GRM8: variants seen among roughly 807,000 people sequenced by gnomAD.
GRM8 encodes the protein metabotropic glutamate receptor 8.
GRM8 carries 47 observed loss-of-function variants against 87.2 expected under a neutral mutation model. The ratio of observed to expected loss-of-function variants is 0.54; its 90% CI spans 0.43 to 0.69. The LOEUF (loss-of-function observed/expected upper bound fraction) is 0.69, where lower values mean the gene tolerates loss of function less well. Ranked by LOEUF, GRM8 falls within the 30% of genes least tolerant of loss-of-function variation. The pLI, the probability that GRM8 is intolerant of heterozygous loss-of-function variation, is 0.00. For missense variants in GRM8, 1,019 were observed against 1,139.2 expected, an observed-to-expected ratio of 0.89 and a Z score of 1.52; for synonymous variants, 396 against 404.5, an observed-to-expected ratio of 0.98 and a Z score of 0.25.
chr7:127,133,274 C>T (rs1045780545), intron 2 of GRM8, among the ~76,000 whole-genome samples: 56 of 151,864 alleles, frequency 3.7e-4, no homozygotes, highest in African/African-American at 1.2e-3. Flanking sequence ...AAAAATTAGC[C>T]GGGCATGGTG....
intron 7 of GRM8, among the ~76,000 whole-genome samples, chr7:126,734,703 G>A (rs763905190): frequency 1.3e-5 from 2 of 151,792 alleles, no homozygotes; most frequent in African/African-American, 2.4e-5. Flanking sequence ...AAGAAAATAC[G>A]TATTTTTAAA....
chr7:126,711,338 T>A (rs1811077680), intron 7 of GRM8, among the ~76,000 whole-genome samples: 1 of 152,204 alleles, frequency 6.6e-6, no homozygotes, highest in Non-Finnish European at 1.5e-5. Flanking sequence ...CAGGTATATT[T>A]TCAATGAGCA....
intron 9 of GRM8, among the ~76,000 whole-genome samples, chr7:126,505,037 C>T (rs1211321195): frequency 6.6e-6 from 1 of 151,994 alleles, no homozygotes; most frequent in Non-Finnish European, 1.5e-5. Flanking sequence ...TGGAGTCATT[C>T]TTCAGTTTCA....
intron 6 of GRM8, chr7:126,868,809 C>T (rs1337237194): frequency 6.6e-6 from 1 of 152,174 alleles, no homozygotes; most frequent in Non-Finnish European, 1.5e-5. Context: ...GGTGGAGGTT[C>T]TTGCCTCCAT....
intron 3 of GRM8, among the ~76,000 whole-genome samples, chr7:126,990,303 G>C (rs1812525534): frequency 6.6e-6 from 1 of 151,344 alleles, no homozygotes; most frequent in Non-Finnish European, 1.5e-5. Flanking sequence ...ACCCACCAGA[G>C]GGTTCCCTGA....
intron 3 of GRM8, among the ~76,000 whole-genome samples, chr7:126,965,336 A>G (rs1809739909): frequency 6.6e-6 from 1 of 152,182 alleles, no homozygotes; most frequent in African/African-American, 2.4e-5. Context: ...CATTTGTACC[A>G]AATATTATAG....
intron 7 of GRM8, among the ~76,000 whole-genome samples, chr7:126,743,931 A>G (rs1313020725): frequency 1.3e-5 from 2 of 152,108 alleles, no homozygotes; most frequent in Non-Finnish European, 2.9e-5. Flanking sequence ...AAAAGCAACA[A>G]TGGTAAAATC....
chr7:127,081,920 G>C (rs1822914584), intron 3 of GRM8, among the ~76,000 whole-genome samples: 1 of 152,146 alleles, frequency 6.6e-6, no homozygotes, highest in Non-Finnish European at 1.5e-5. Flanking sequence ...GGATGCAAAG[G>C]GGTCAAGAAG....
chr7:126,549,828 G>A (rs544296639), intron 8 of GRM8, among the ~76,000 whole-genome samples: 1 of 152,096 alleles, frequency 6.6e-6, no homozygotes, highest in Admixed American at 6.6e-5. Flanking sequence ...GAGCCATAAT[G>A]TAAAAGAAAT....
At chr7:126,638,744 A>G (rs968089316) in intron 7 of GRM8, among the ~76,000 whole-genome samples, 18 of 152,316 alleles carry the variant, frequency 1.2e-4, no homozygotes, top group African/African-American at 4.1e-4. Context: ...GTATTTATAG[A>G]AGGTAGGGCA....
intron 7 of GRM8, among the ~76,000 whole-genome samples, chr7:126,760,801 A>G (rs1426313857): frequency 6.6e-6 from 1 of 152,196 alleles, no homozygotes; most frequent in Admixed American, 6.6e-5. Context: ...TTTACTAGAC[A>G]AGTAAATTTA....
At chr7:126,458,360 A>C (rs1316620739) in intron 9 of GRM8, among the ~76,000 whole-genome samples, 2 of 151,278 alleles carry the variant, frequency 1.3e-5, no homozygotes, top group Admixed American at 6.6e-5. Context: ...CTATGCCAGG[A>C]AAATGTAAAC....
chr7:126,877,469 T>C (rs551309397), intron 6 of GRM8, among the ~76,000 whole-genome samples: 2 of 152,362 alleles, frequency 1.3e-5, no homozygotes, highest in South Asian at 2.1e-4. Context: ...CAGCCACTAG[T>C]GGCTACCATA....
At chr7:126,773,117 T>C (rs2151616752) in intron 6 of GRM8, among the ~76,000 whole-genome samples, 1 of 152,192 alleles carries the variant, frequency 6.6e-6, no homozygotes, top group South Asian at 2.1e-4. Flanking sequence ...GGTACAATAA[T>C]GGCAGAGGGA....
At chr7:126,724,647 A>G (rs2151464631) in intron 7 of GRM8, among the ~76,000 whole-genome samples, 1 of 152,068 alleles carries the variant, frequency 6.6e-6, no homozygotes, top group South Asian at 2.1e-4. Flanking sequence ...TATCTTCTTT[A>G]TGGTTGTGGA....
intron 3 of GRM8, among the ~76,000 whole-genome samples, chr7:126,911,100 T>C (rs1803239776): frequency 6.6e-6 from 1 of 152,222 alleles, no homozygotes; most frequent in Admixed American, 6.5e-5. Context: ...CACTGAGAGA[T>C]ACTTGACATT....
chr7:126,580,975 A>AC (rs1554406370), intron 8 of GRM8, among the ~76,000 whole-genome samples: 1 of 151,820 alleles, frequency 6.6e-6, no homozygotes. Context: ...TAGAAAAAAA[A>AC]ACAATTATCC....
chr7:126,838,443 T>C (rs992665523), intron 6 of GRM8, among the ~76,000 whole-genome samples: 1 of 152,318 alleles, frequency 6.6e-6, no homozygotes, highest in Admixed American at 6.5e-5. Flanking sequence ...TTTCCTGGAA[T>C]TAAAGAGTAA....
chr7:126,663,085 A>C (rs1461990413), intron 7 of GRM8, among the ~76,000 whole-genome samples: 1 of 152,134 alleles, frequency 6.6e-6, no homozygotes, highest in African/African-American at 2.4e-5. Context: ...CTATTAATAG[A>C]CCTCCTTTCC....
Sources: allele counts gnomAD v4.1 joint callset (sites outside exome capture counted in the v4.1 genomes callset), GRCh38; gene constraint gnomAD v4.1.1; transcripts MANE v1.5; gene names NCBI Gene and HGNC (gene_info 2026-07-23, HGNC 2026-07-21).